Variants in NKAIN2 observed in about 807,000 individuals in gnomAD.
The protein encoded by NKAIN2 is sodium/potassium-transporting ATPase subunit beta-1-interacting protein 2.
NKAIN2 carries 14 observed loss-of-function variants against 32.6 expected under a neutral mutation model. The observed-to-expected ratio is 0.43, with a 90% CI of 0.28 to 0.67. The LOEUF is 0.67. Among genes scored for constraint, NKAIN2 ranks in the 30% least tolerant of loss-of-function variants. NKAIN2 has a pLI of 0.17. For missense variants in NKAIN2, 198 were observed against 258.3 expected (o/e 0.77, Z 1.60); for synonymous variants, 80 against 87.2 (o/e 0.92, Z 0.46).
At chr6:124,789,662 C>T (rs1998413) in intron 4 of NKAIN2, among the ~76,000 whole-genome samples, 54,925 of 151,600 alleles carry the variant, frequency 0.36, 11,340 homozygotes, top group Non-Finnish European at 0.45. Flanking sequence ...TTGCTAAAGC[C>T]AAACAGGAAA....
At chr6:124,279,449 G>A (rs183749307) in intron 1 of NKAIN2, among the ~76,000 whole-genome samples, 1 of 148,512 alleles carries the variant, frequency 6.7e-6, no homozygotes, top group Admixed American at 6.8e-5. Flanking sequence ...AGAGCTTGCA[G>A]TGAGCCGAGA....
chr6:124,018,139 T>C (rs895475291), intron 1 of NKAIN2, among the ~76,000 whole-genome samples: 3 of 152,196 alleles, frequency 2.0e-5, no homozygotes, highest in Admixed American at 2.0e-4. Context: ...CTGTCAAAGC[T>C]TGGGGCTTCC....
intron 3 of NKAIN2, among the ~76,000 whole-genome samples, chr6:124,455,478 A>G (rs1204722700): frequency 6.6e-6 from 1 of 152,084 alleles, no homozygotes; most frequent in East Asian, 1.9e-4. Flanking sequence ...TGAATAGTTT[A>G]TACTTCAGAG....
chr6:123,936,582 A>G (rs765837466), intron 1 of NKAIN2, among the ~76,000 whole-genome samples: 3 of 152,166 alleles, frequency 2.0e-5, no homozygotes, highest in Non-Finnish European at 2.9e-5. Flanking sequence ...GAAGATACAA[A>G]ATGAAGAGGA....
intron 3 of NKAIN2, among the ~76,000 whole-genome samples, chr6:124,493,717 C>CAA (rs71021496): frequency 1.6e-4 from 14 of 85,830 alleles, no homozygotes; most frequent in East Asian, 8.8e-4. Context: ...CCCCCCCCTC[C>CAA]AAAAAAAAAA....
chr6:124,388,709 G>C (rs1773018923), intron 3 of NKAIN2, among the ~76,000 whole-genome samples: 1 of 152,060 alleles, frequency 6.6e-6, no homozygotes, highest in African/African-American at 2.4e-5. Flanking sequence ...GCAAAGCAAA[G>C]AAAAATTTGA....
chr6:124,353,779 G>T (rs1011862045), intron 2 of NKAIN2, among the ~76,000 whole-genome samples: 1 of 151,960 alleles, frequency 6.6e-6, no homozygotes, highest in Admixed American at 6.6e-5. Flanking sequence ...CACAGAGGTG[G>T]GAAATAACTT....
chr6:124,656,539 A>T lies in NKAIN2; in HGVS notation c.274-1647A>T, dbSNP rs139364570. Among the ~76,000 whole-genome samples, 330 of 152,202 alleles carry T rather than the reference A, an allele frequency of 2.2e-3. 2 individuals are homozygous for T. The highest frequency in any genetic ancestry group is 7.5e-3 in the African/African-American group (312 of 41,536). The stretch of plus-strand genomic sequence containing the variant: ...CAGAATTTGGTGGCTAATGAGATTG[A>T]AAAGTGTCTCGAGACACTTTTCTGG... On this transcript the variant is annotated intron_variant, in intron 3 of 6. Coordinates refer to ENST00000368417, the MANE Select transcript of NKAIN2 (RefSeq NM_001040214.3).
chr6:124,176,318 A>G (rs186027620), intron 1 of NKAIN2, among the ~76,000 whole-genome samples: 1 of 152,174 alleles, frequency 6.6e-6, no homozygotes, highest in Non-Finnish European at 1.5e-5. Context: ...AGTATGATTT[A>G]AAAAAGTATG....
intron 3 of NKAIN2, among the ~76,000 whole-genome samples, chr6:124,594,068 G>C (rs1278027756): frequency 1.3e-5 from 2 of 152,208 alleles, no homozygotes; most frequent in Non-Finnish European, 2.9e-5. Flanking sequence ...GAGGAGAGGA[G>C]AGGTGACTAA....
intron 3 of NKAIN2, among the ~76,000 whole-genome samples, chr6:124,596,467 C>A (rs985810718): frequency 6.6e-6 from 1 of 152,134 alleles, no homozygotes; most frequent in Middle Eastern, 3.2e-3. Context: ...GCATGAATTA[C>A]CCCAGCAGCA....
intron 4 of NKAIN2, among the ~76,000 whole-genome samples, chr6:124,754,722 G>A (rs774748876): frequency 3.3e-5 from 5 of 152,088 alleles, no homozygotes; most frequent in Non-Finnish European, 7.4e-5. Flanking sequence ...GGAAGACAGT[G>A]TGGCGATTCC....
At chr6:124,543,047 G>A (rs1368813672) in intron 3 of NKAIN2, among the ~76,000 whole-genome samples, 1 of 152,002 alleles carries the variant, frequency 6.6e-6, no homozygotes, top group African/African-American at 2.4e-5. Context: ...GTTCAGCATG[G>A]CTGCTTGGTG....
At chr6:123,970,448 G>A (rs1230986296) in intron 1 of NKAIN2, among the ~76,000 whole-genome samples, 1 of 152,076 alleles carries the variant, frequency 6.6e-6, no homozygotes, top group Admixed American at 6.6e-5. Context: ...AATTTACCAC[G>A]GGAAATAGTA....
chr6:124,587,810 T>C (rs1781763482), intron 3 of NKAIN2, among the ~76,000 whole-genome samples: 1 of 152,184 alleles, frequency 6.6e-6, no homozygotes, highest in East Asian at 1.9e-4. Context: ...TGGTGGGTTT[T>C]CAATAAATCT....
At chr6:123,849,114 T>C (rs1486293333) in intron 1 of NKAIN2, among the ~76,000 whole-genome samples, 1 of 152,194 alleles carries the variant, frequency 6.6e-6, no homozygotes, top group Non-Finnish European at 1.5e-5. Context: ...GCTCCGGGAA[T>C]CCTACACTGA....
intron 2 of NKAIN2, among the ~76,000 whole-genome samples, chr6:124,343,950 T>G (rs1798272602): frequency 6.7e-6 from 1 of 150,274 alleles, no homozygotes. Flanking sequence ...TCTTCTAAAG[T>G]TTTTATGGTT....
intron 4 of NKAIN2, among the ~76,000 whole-genome samples, chr6:124,674,178 T>C (rs773640443): frequency 5.3e-5 from 8 of 151,954 alleles, no homozygotes; most frequent in Non-Finnish European, 1.2e-4. Context: ...TAGGCTTCTT[T>C]GGCTTATTTT....
intron 3 of NKAIN2, among the ~76,000 whole-genome samples, chr6:124,483,262 A>C (rs1477775760): frequency 6.6e-6 from 1 of 152,110 alleles, no homozygotes; most frequent in Non-Finnish European, 1.5e-5. Flanking sequence ...TGCCAACATC[A>C]CTCCATAAGT....
Sources: gnomAD v4.1 joint callset for allele counts (sites outside exome capture counted in the v4.1 genomes callset) on GRCh38, gnomAD v4.1.1 for gene constraint, MANE v1.5 for transcripts, NCBI Gene and HGNC (gene_info 2026-07-23, HGNC 2026-07-21) for gene names.